Variants in ADH1B observed in about 807,000 individuals in gnomAD.
The protein encoded by ADH1B is all-trans-retinol dehydrogenase [NAD(+)] ADH1B.
ADH1B carries 29 observed loss-of-function variants against 34.6 expected under a neutral mutation model. The ratio of observed to expected loss-of-function variants is 0.84; its 90% CI spans 0.62 to 1.14. ADH1B has a LOEUF of 1.14. ADH1B is among the 50% of genes most tolerant of loss of function. The pLI, the probability that ADH1B is intolerant of heterozygous loss-of-function variation, is 0.00. For synonymous variants in ADH1B, 170 were observed against 175.5 expected (o/e 0.97, Z 0.25); for missense variants, 424 against 468.4 (o/e 0.91, Z 0.87).
At chr4:99,321,171 A>T in intron 1 of ADH1B, 143 bp downstream of exon 1, 1 of 694,034 alleles carries the variant, frequency 1.4e-6, no homozygotes. Flanking sequence ...TACATTACAT[A>T]TTGAGGTGTA....
In ADH1B at chr4:99,318,053, G is replaced by A. The variant is rs77404593; in HGVS notation, c.252C>T (p.Val84=). 1.9e-6 allele frequency: 3 copies of A among 1,613,880 alleles called. No homozygotes were observed. The highest frequency in any genetic ancestry group is 2.5e-6 in the Non-Finnish European group (3 of 1,179,988). Reference sequence around the variant, plus strand: ...TGAGTGTGAATCCTGTACCTGGTTTGACTGTAGTCACCCCTTCTCCAACAC... The same window carrying A: ...TGAGTGTGAATCCTGTACCTGGTTTAACTGTAGTCACCCCTTCTCCAACAC... ...VESVGEGVTT[V]KPGDKVIPLF... Residue 84 remains valine, a synonymous_variant, in exon 3 of 9, where the codon GTC becomes GTT. Coordinates refer to ENST00000305046, the MANE Select transcript of ADH1B (RefSeq NM_000668.6).
chr4:99,318,789 A>G lies in ADH1B; in HGVS notation c.116T>C (p.Ile39Thr). 1 of 1,610,130 alleles carries G rather than the reference A, an allele frequency of 6.2e-7. No homozygotes were observed. Among genetic ancestry groups the G allele is most frequent in the Non-Finnish European group, 8.5e-7 (1 of 1,178,278 alleles). ...VAPPKAYEVR[I>T]KMVAVGICHT... ...ATAAATGGAAAAATATTTCACCTTA[A>G]TGCGAACTTCATAAGCCTTAGGAGG... Residue 39 changes from isoleucine (I) to threonine (T), a missense_variant, in exon 2 of 9, where the codon ATT becomes ACT. Transcript: ENST00000305046.
intron 1 of ADH1B, 200 bp from the exon 2 acceptor site, chr4:99,319,086 GT>G: frequency 1.4e-6 from 1 of 717,732 alleles, no homozygotes. Flanking sequence ...GATAAACAAA[GT>G]ATAATAAGAC....
chr4:99,320,808 G>A (rs1439274583), intron 1 of ADH1B: 1 of 1,198,624 alleles, frequency 8.3e-7, no homozygotes, highest in Non-Finnish European at 1.0e-6. Flanking sequence ...TGATTCTAAT[G>A]CTGTGAAATC....
chr4:99,313,803 G>T lies in ADH1B; in HGVS notation c.828+18C>A, dbSNP rs758475277. 1.2e-6 allele frequency: 2 copies of T among 1,613,844 alleles called. No individual in the cohort carries two copies. Among genetic ancestry groups the T allele is most frequent in the Non-Finnish European group, 1.7e-6 (2 of 1,179,890 alleles). On this transcript the variant is annotated intron_variant, in intron 6 of 8. Coordinates refer to ENST00000305046, the MANE Select transcript of ADH1B (RefSeq NM_000668.6). ...AGGTTGCAGAGGCAGAAATCTCAGG[G>T]CATGTCATGGTACATACCATGGTGT... is the stretch of plus-strand genomic sequence containing the variant.
Position 99,321,319 on chromosome 4 carries a change from C to G in ADH1B, c.13G>C (p.Gly5Arg), listed in dbSNP as rs553464868. ...GTAATATATTTTTTGCTTACTTTTCCTGCTGTGCTCATGTCGTTTCTGTCT... is the reference window on the plus strand; with the variant it reads ...GTAATATATTTTTTGCTTACTTTTCGTGCTGTGCTCATGTCGTTTCTGTCT... Reference protein sequence around the residue: MSTAGKVIKCKAAVL... With the variant: MSTARKVIKCKAAVL... Residue 5 changes from glycine (G) to arginine (R), a missense_variant, in exon 1 of 9, where the codon GGA (glycine) becomes CGA (arginine). Coordinates refer to ENST00000305046, the MANE Select transcript of ADH1B (RefSeq NM_000668.6). The G allele has an allele frequency of 6.2e-7, 1 of 1,610,860 alleles. No homozygotes were observed. Among genetic ancestry groups the G allele is most frequent in the African/African-American group, 1.3e-5 (1 of 74,822 alleles).
chr4:99,318,250 A>T, intron 2 of ADH1B, 66 bp from the exon 3 acceptor site: 2 of 1,585,522 alleles, frequency 1.3e-6, no homozygotes, highest in Non-Finnish European at 1.7e-6. Context: ...TAACATACCC[A>T]AATTCCTGAA....
chr4:99,314,309 A>T, intron 5 of ADH1B: 1 of 686,568 alleles, frequency 1.5e-6, no homozygotes, highest in Non-Finnish European at 2.4e-6. Context: ...GGGGAGCTTT[A>T]CAAAATATCC....
At chr4:99,316,479 G>T in intron 3 of ADH1B, 177 bp from the exon 4 acceptor site, 1 of 738,006 alleles carries the variant, frequency 1.4e-6, no homozygotes. Context: ...TTCAGTTTGA[G>T]TTTATAAGTG....
chr4:99,314,921 G>C (rs1353283791), intron 5 of ADH1B: 1 of 152,140 alleles, frequency 6.6e-6, no homozygotes, highest in Admixed American at 6.5e-5. Context: ...TCTTCATTGT[G>C]GGTAACATGC....
chr4:99,321,268 ATATTGATG>A (rs765789774), intron 1 of ADH1B, 38 bp downstream of exon 1: 14 of 1,507,014 alleles, frequency 9.3e-6, no homozygotes, highest in Non-Finnish European at 1.3e-5. Flanking sequence ...TTTCTTTGTT[ATATTGATG>A]AGAATATATT....
intron 1 of ADH1B, chr4:99,319,128 C>A: frequency 1.8e-6 from 1 of 570,406 alleles, no homozygotes. Flanking sequence ...TTTATTTAGG[C>A]CATTCTTATG....
Position 99,310,662 on chromosome 4 carries a change from A to G in ADH1B, c.1103+103T>C. 2.1e-6 allele frequency: 3 copies of G among 1,461,292 alleles called. No homozygotes were observed. The East Asian group carries it at 7.0e-5, about 34-fold the overall frequency. 90.5% of individuals were successfully genotyped at this position (1,461,292 alleles called of 1,614,324 possible). A position where few individuals can be genotyped will look rare whatever the true frequency, so the allele number is the denominator to read the frequency against. ...AAGACTGAACTGGTAATGGAAAACC[A>G]AGGGACTCTATATTTTCTCATCTTT... On this transcript the variant is annotated intron_variant, in intron 8 of 8. Transcript: ENST00000305046.
rs71996730 is a variant in ADH1B at position 99,305,501 on chromosome 4, C to CATATATATATATATAT, written c.*2323_*2338dup. 4.2e-5 allele frequency: 4 copies of CATATATATATATATAT among 94,382 alleles called. No homozygotes were observed. Among genetic ancestry groups the CATATATATATATATAT allele is most frequent in the African/African-American group, 1.9e-4 (4 of 20,948 alleles). The allele number at this position is 94,382 out of a possible 1,614,324, so 5.8% of individuals were successfully genotyped here. A position where few individuals can be genotyped will look rare whatever the true frequency, so the allele number is the denominator to read the frequency against. ...AGCCAATACTTTCTACACTGGAATA[C>CATATATATATATATAT]ATATATATATATATATATATATACA... On this transcript the variant is annotated 3_prime_UTR_variant, in exon 9 of 9. Transcript: ENST00000305046.
chr4:99,314,173 G>C, intron 5 of ADH1B, 92 bp from the exon 6 acceptor site: 9 of 1,533,548 alleles, frequency 5.9e-6, no homozygotes, highest in Non-Finnish European at 7.9e-6. Context: ...TGTTTATCAA[G>C]AACTACTCAG....
rs528222703 is a variant in ADH1B, at chr4:99,307,724, A to C, written c.*116T>G. ...ATTTCTTTGGAAAGCCCCCATGTGT[A>C]ATTTATTGATAACATCTCTGAAGAG... On this transcript the variant is annotated 3_prime_UTR_variant, in exon 9 of 9. Transcript: ENST00000305046. 8.0e-7 allele frequency: 1 copy of C among 1,254,424 alleles called. No homozygotes were observed. The highest frequency in any genetic ancestry group is 1.3e-5 in the South Asian group (1 of 75,474). 77.7% of individuals were successfully genotyped at this position (1,254,424 alleles called of 1,614,324 possible). A position where few individuals can be genotyped will look rare whatever the true frequency, so the allele number is the denominator to read the frequency against.
Position 99,315,948 on chromosome 4 carries a change from T to A in ADH1B, c.517A>T (p.Ile173Phe), listed in dbSNP as rs79367470. 2.2e-5 allele frequency: 36 copies of A among 1,614,066 alleles called. No homozygotes were observed. Among genetic ancestry groups the A allele is most frequent in the Non-Finnish European group, 2.8e-5 (33 of 1,180,034 alleles). Residue 173 changes from isoleucine to phenylalanine, a missense_variant, in exon 5 of 9, where the codon ATT becomes TTT. Ile to Phe is a conservative substitution (Grantham distance 21, BLOSUM62 0). Around this residue, in one of 3 missense-constraint regions of ADH1B, gnomAD observed 291 missense variants for 300.4 expected, o/e 0.97. Coordinates refer to ENST00000305046, the MANE Select transcript of ADH1B (RefSeq NM_000668.6). ...TAACCAGTCGAGAATCCACAGCCAA[T>A]GAGGCAGACTTTCTCCAGGGGCGAG... ...AASPLEKVCL[I>F]GCGFSTGYGS...
In ADH1B at chr4:99,310,915, A is replaced by T; in HGVS notation, c.965-12T>A. 1 of 1,610,668 alleles carries T rather than the reference A, an allele frequency of 6.2e-7. No individual in the cohort carries two copies. The highest frequency in any genetic ancestry group is 8.5e-7 in the Non-Finnish European group (1 of 1,178,920). On this transcript the variant is annotated splice_polypyrimidine_tract_variant and intron_variant, in intron 7 of 8. Coordinates refer to ENST00000305046, the MANE Select transcript of ADH1B (RefSeq NM_000668.6). Reference sequence around the variant, plus strand: ...TTTACTCTTAAAGCCTGAAAAGAAGACAGTATCATTGTTGGATTCAGCTAG... The same window carrying T: ...TTTACTCTTAAAGCCTGAAAAGAAGTCAGTATCATTGTTGGATTCAGCTAG...
chr4:99,305,558 A>ACTGT lies in ADH1B; in HGVS notation c.*2281_*2282insACAG, dbSNP rs1560524445. The ACTGT allele has an allele frequency of 1.9e-5, 1 of 52,644 alleles. No individual in the cohort carries two copies. The highest frequency in any genetic ancestry group is 1.1e-4 in the African/African-American group (1 of 9,338). 3.3% of individuals were successfully genotyped at this position (52,644 alleles called of 1,614,324 possible). A position where few individuals can be genotyped will look rare whatever the true frequency, so the allele number is the denominator to read the frequency against. ...TAACTATATGAACCACTTGCCCCAT[A>ACTGT]GTGTATATATATATATATATATATA... On this transcript the variant is annotated 3_prime_UTR_variant, in exon 9 of 9. Transcript: ENST00000305046.
Sources: gnomAD v4.1 joint callset for allele counts on GRCh38, gnomAD v4.1.1 for gene constraint, gnomAD v4.1.1 regional missense constraint, MANE v1.5 for transcripts, NCBI Gene and HGNC (gene_info 2026-07-23, HGNC 2026-07-21) for gene names.